Variants in OR1B1 observed in about 807,000 individuals in gnomAD.
OR1B1 encodes the protein olfactory receptor 1B1.
For synonymous variants in OR1B1, 168 were observed against 156.2 expected, an observed-to-expected ratio of 1.08 and a Z score of -0.57; for missense variants, 414 against 402.1, an observed-to-expected ratio of 1.03 and a Z score of -0.25.
the OR1B1 span, among the ~76,000 whole-genome samples, chr9:122,636,630 T>A: frequency 6.6e-6 from 1 of 152,020 alleles, no homozygotes; most frequent in African/African-American, 2.4e-5. Flanking sequence ...AATAAATAAA[T>A]AAATAAATAA....
upstream of OR1B1, among the ~76,000 whole-genome samples, chr9:122,632,198 A>G (rs12348930): frequency 0.22 from 33,785 of 152,080 alleles, 4,030 homozygotes; most frequent in South Asian, 0.4. Flanking sequence ...AACCTCCTCC[A>G]AATGTCATAA....
the OR1B1 span, among the ~76,000 whole-genome samples, chr9:122,635,848 G>A: frequency 1.3e-5 from 2 of 151,752 alleles, no homozygotes; most frequent in African/African-American, 2.4e-5. Context: ...ATAGAAATTC[G>A]AAGAGGTTAT....
the OR1B1 span, among the ~76,000 whole-genome samples, chr9:122,646,664 A>G: frequency 6.6e-6 from 1 of 152,190 alleles, no homozygotes; most frequent in Admixed American, 6.5e-5. Flanking sequence ...TAACAATTAT[A>G]AATATATATG....
upstream of OR1B1, among the ~76,000 whole-genome samples, chr9:122,630,244 A>G (rs1248438401): frequency 6.6e-6 from 1 of 152,138 alleles, no homozygotes; most frequent in Non-Finnish European, 1.5e-5. Context: ...CCCACCAAAA[A>G]ACTCTTAGAT....
At chr9:122,640,190 C>T in the OR1B1 span, among the ~76,000 whole-genome samples, 4 of 152,100 alleles carry the variant, frequency 2.6e-5, no homozygotes, top group Admixed American at 6.6e-5. Flanking sequence ...TATCCCCCAC[C>T]TTCTAGATAT....
chr9:122,644,475 G>A, the OR1B1 span, among the ~76,000 whole-genome samples: 2 of 152,180 alleles, frequency 1.3e-5, no homozygotes, highest in Admixed American at 6.5e-5. Flanking sequence ...CTAAGCTTTT[G>A]AACTCTAATC....
upstream of OR1B1, chr9:122,629,699 A>C: frequency 1.9e-6 from 1 of 538,014 alleles, no homozygotes; most frequent in Middle Eastern, 4.8e-4. Context: ...AAGGTCTAGG[A>C]TTTCGCTTCC....
the OR1B1 span, among the ~76,000 whole-genome samples, chr9:122,654,043 T>A: frequency 6.6e-6 from 1 of 151,948 alleles, no homozygotes; most frequent in Admixed American, 6.6e-5. Flanking sequence ...AAAAAGAGAC[T>A]CTTTTCCATA....
chr9:122,650,762 G>A, the OR1B1 span, among the ~76,000 whole-genome samples: 1 of 152,056 alleles, frequency 6.6e-6, no homozygotes, highest in East Asian at 1.9e-4. Flanking sequence ...GGTGGCTCAC[G>A]CCTGTAATCC....
At chr9:122,646,276 GA>G in the OR1B1 span, among the ~76,000 whole-genome samples, 1 of 151,296 alleles carries the variant, frequency 6.6e-6, no homozygotes, top group South Asian at 2.1e-4. Flanking sequence ...AAGAAGGAAG[GA>G]AAAAAAGAAA....
At chr9:122,645,225 T>C in the OR1B1 span, among the ~76,000 whole-genome samples, 2 of 151,694 alleles carry the variant, frequency 1.3e-5, no homozygotes, top group Non-Finnish European at 2.9e-5. Flanking sequence ...GATATGCTAT[T>C]TGAAAATACA....
upstream of OR1B1, among the ~76,000 whole-genome samples, chr9:122,631,621 G>A (rs969675202): frequency 1.4e-4 from 22 of 152,198 alleles, no homozygotes; most frequent in African/African-American, 4.1e-4. Context: ...CAGGTGGCAG[G>A]TAGGTTCAAG....
the OR1B1 span, among the ~76,000 whole-genome samples, chr9:122,656,958 C>T: frequency 1.3e-5 from 2 of 152,078 alleles, no homozygotes; most frequent in African/African-American, 4.8e-5. Flanking sequence ...AGGGGTCCAA[C>T]TGATTTTTTT....
At chr9:122,648,862 C>T in the OR1B1 span, among the ~76,000 whole-genome samples, 1 of 152,020 alleles carries the variant, frequency 6.6e-6, no homozygotes, top group Non-Finnish European at 1.5e-5. Context: ...TCCCCATCGA[C>T]CTACCATTGA....
the OR1B1 span, among the ~76,000 whole-genome samples, chr9:122,651,496 G>T: frequency 2.0e-5 from 3 of 151,954 alleles, no homozygotes; most frequent in African/African-American, 7.3e-5. Flanking sequence ...AGCCTCTAGT[G>T]TCCTCTGTTC....
the OR1B1 span, among the ~76,000 whole-genome samples, chr9:122,634,626 C>A: frequency 2.0e-5 from 3 of 152,080 alleles, no homozygotes; most frequent in Non-Finnish European, 2.9e-5. Context: ...CCCCCATGAT[C>A]CAATCACCTC....
chr9:122,655,018 A>T, the OR1B1 span, among the ~76,000 whole-genome samples: 2 of 152,236 alleles, frequency 1.3e-5, no homozygotes, highest in African/African-American at 4.8e-5. Flanking sequence ...CATTGCAAAC[A>T]TACATCAAAA....
At chr9:122,630,410 A>G (rs979737538), upstream of OR1B1, among the ~76,000 whole-genome samples, 4 of 152,342 alleles carry the variant, frequency 2.6e-5, no homozygotes, top group East Asian at 5.8e-4. Flanking sequence ...CTTAACGTCT[A>G]TGTTTTCCCT....
At chr9:122,633,066 G>A (rs1830221018), upstream of OR1B1, among the ~76,000 whole-genome samples, 1 of 152,070 alleles carries the variant, frequency 6.6e-6, no homozygotes, top group African/African-American at 2.4e-5. Flanking sequence ...GAACAGCACA[G>A]GACAGACCTG....
Sources: gnomAD v4.1 joint callset for allele counts (sites outside exome capture counted in the v4.1 genomes callset) on GRCh38, gnomAD v4.1.1 for gene constraint, MANE v1.5 for transcripts, NCBI Gene and HGNC (gene_info 2026-07-23, HGNC 2026-07-21) for gene names.